Variants in LRRTM4 observed in about 807,000 individuals in gnomAD.
LRRTM4 encodes the protein leucine-rich repeat transmembrane neuronal protein 4.
In LRRTM4, 25 loss-of-function variants were observed where a neutral mutation model predicts 47.6. The observed-to-expected ratio is 0.53, with a 90% confidence interval of 0.38 to 0.73. The LOEUF is 0.73. Among genes scored for constraint, LRRTM4 ranks in the 30% least tolerant of loss-of-function variants. LRRTM4 has a pLI of 0.00. For missense variants in LRRTM4, 638 were observed against 713.4 expected, an observed-to-expected ratio of 0.89 and a Z score of 1.20; for synonymous variants, 311 against 269.5, an observed-to-expected ratio of 1.15 and a Z score of -1.51.
intron 3 of LRRTM4, among the ~76,000 whole-genome samples, chr2:77,426,148 A>G (rs908537528): frequency 2.6e-5 from 4 of 151,358 alleles, no homozygotes; most frequent in Admixed American, 1.3e-4. Flanking sequence ...CCTGATATCC[A>G]TCTCCCTATT....
At chr2:77,216,704 A>G (rs890693342) in intron 3 of LRRTM4, among the ~76,000 whole-genome samples, 8 of 152,190 alleles carry the variant, frequency 5.3e-5, no homozygotes, top group Non-Finnish European at 7.4e-5. Context: ...TGACATTAAC[A>G]TAGAATAAAC....
intron 3 of LRRTM4, among the ~76,000 whole-genome samples, chr2:77,318,841 G>A (rs960585018): frequency 2.0e-5 from 3 of 151,632 alleles, no homozygotes; most frequent in Admixed American, 1.3e-4. Context: ...ATTGACTTCT[G>A]TAAAATTCTG....
chr2:76,833,217 A>G (rs991874021), intron 3 of LRRTM4, among the ~76,000 whole-genome samples: 19 of 152,154 alleles, frequency 1.2e-4, no homozygotes, highest in African/African-American at 4.1e-4. Context: ...GAGTGATCAT[A>G]AAGGGTGAAG....
At chr2:76,779,639 T>G (rs1313724106) in intron 3 of LRRTM4, among the ~76,000 whole-genome samples, 1 of 151,568 alleles carries the variant, frequency 6.6e-6, no homozygotes, top group East Asian at 1.9e-4. Context: ...TCCTTTTATT[T>G]TGAGCCTATA....
intron 3 of LRRTM4, among the ~76,000 whole-genome samples, chr2:77,185,677 T>C (rs1195674895): frequency 3.3e-5 from 5 of 152,128 alleles, no homozygotes; most frequent in African/African-American, 1.2e-4. Context: ...TTGTTGCTTA[T>C]TCAAGAGTAG....
At chr2:76,919,888 C>A (rs1311040986) in intron 3 of LRRTM4, among the ~76,000 whole-genome samples, 2 of 152,160 alleles carry the variant, frequency 1.3e-5, no homozygotes, top group Non-Finnish European at 2.9e-5. Flanking sequence ...CTTTCTCCAA[C>A]TTTAAACAGA....
intron 3 of LRRTM4, among the ~76,000 whole-genome samples, chr2:76,789,481 T>TGATAAATACATGAA: frequency 6.6e-6 from 1 of 152,194 alleles, no homozygotes; most frequent in Non-Finnish European, 1.5e-5. Context: ...GCTTCTGGCT[T>TGATAAATACATGAA]GATAAATACA....
At chr2:76,941,173 AAAAC>A (rs1033333922) in intron 3 of LRRTM4, among the ~76,000 whole-genome samples, 2 of 152,206 alleles carry the variant, frequency 1.3e-5, no homozygotes, top group African/African-American at 4.8e-5. Flanking sequence ...ACAAAAAACA[AAAAC>A]AAAAAGGAAA....
chr2:77,520,525 C>CTG (rs1044359233), intron 2 of LRRTM4, among the ~76,000 whole-genome samples: 75 of 152,088 alleles, frequency 4.9e-4, no homozygotes, highest in African/African-American at 1.6e-3. Flanking sequence ...TTATTGCATA[C>CTG]TGTGGCTCCC....
chr2:77,004,703 T>G (rs923637245), intron 3 of LRRTM4, among the ~76,000 whole-genome samples: 1 of 152,102 alleles, frequency 6.6e-6, no homozygotes, highest in Non-Finnish European at 1.5e-5. Context: ...TGACAACTTT[T>G]GTCATGCACC....
intron 3 of LRRTM4, among the ~76,000 whole-genome samples, chr2:76,996,346 G>GT (rs1397123789): frequency 6.6e-6 from 1 of 152,040 alleles, no homozygotes. Flanking sequence ...GAGAGATTCT[G>GT]TGTCCTACTA....
chr2:77,401,020 T>C (rs1416430073), intron 3 of LRRTM4, among the ~76,000 whole-genome samples: 2 of 151,996 alleles, frequency 1.3e-5, no homozygotes, highest in Non-Finnish European at 2.9e-5. Flanking sequence ...ACTTTTGCAC[T>C]ACAGCAGCAG....
intron 3 of LRRTM4, among the ~76,000 whole-genome samples, chr2:76,911,772 A>G (rs950927781): frequency 2.1e-4 from 32 of 152,220 alleles, no homozygotes; most frequent in African/African-American, 7.7e-4. Flanking sequence ...GACATGTAAT[A>G]TACACACTGA....
At chr2:77,241,921 C>G (rs996083486) in intron 3 of LRRTM4, among the ~76,000 whole-genome samples, 1 of 152,156 alleles carries the variant, frequency 6.6e-6, no homozygotes, top group African/African-American at 2.4e-5. Flanking sequence ...TGATCTTGAT[C>G]CCCTTGTTGA....
chr2:76,784,738 C>T lies in LRRTM4; in HGVS notation c.1552-35822G>A, dbSNP rs192330156. ...ACATCTGAACACCTTTATAAAATAC[C>T]GTAACTGTGCTGGCCAGTAATGTTG... On this transcript the variant is annotated intron_variant, in intron 3 of 3. Coordinates refer to ENST00000409884, the MANE Select transcript of LRRTM4 (RefSeq NM_001134745.3). Among the ~76,000 whole-genome samples the T allele has an allele frequency of 1.7e-3, 255 of 151,984 alleles. 1 individual carries two copies. Among genetic ancestry groups the T allele is most frequent in the Non-Finnish European group, 2.2e-3 (147 of 67,868 alleles).
chr2:77,308,353 C>G (rs1391808441), intron 3 of LRRTM4, among the ~76,000 whole-genome samples: 1 of 151,868 alleles, frequency 6.6e-6, no homozygotes, highest in African/African-American at 2.4e-5. Flanking sequence ...ATACTCAGCA[C>G]CATTCCATCT....
intron 3 of LRRTM4, among the ~76,000 whole-genome samples, chr2:76,801,475 G>C (rs1338649230): frequency 6.6e-6 from 1 of 152,006 alleles, no homozygotes; most frequent in African/African-American, 2.4e-5. Context: ...GAGATCACAT[G>C]GACACAGGAA....
intron 3 of LRRTM4, among the ~76,000 whole-genome samples, chr2:76,976,917 A>G (rs539053462): frequency 1.3e-5 from 2 of 151,968 alleles, no homozygotes; most frequent in East Asian, 1.9e-4. Context: ...ATCATTAAAC[A>G]TTGTATACAT....
At chr2:77,281,697 C>T (rs1000131215) in intron 3 of LRRTM4, among the ~76,000 whole-genome samples, 2 of 151,620 alleles carry the variant, frequency 1.3e-5, no homozygotes, top group Non-Finnish European at 2.9e-5. Context: ...TATCCAAATA[C>T]CTTTAGCCTT....
Sources: allele counts gnomAD v4.1 joint callset (sites outside exome capture counted in the v4.1 genomes callset), GRCh38; gene constraint gnomAD v4.1.1; transcripts MANE v1.5; gene names NCBI Gene and HGNC (gene_info 2026-07-23, HGNC 2026-07-21).